TECRL: variants seen among roughly 807,000 people sequenced by gnomAD.
TECRL encodes the protein trans-2,3-enoyl-CoA reductase like.
TECRL carries 63 observed loss-of-function variants against 52.8 expected under a neutral mutation model. The ratio of observed to expected loss-of-function variants is 1.19; its 90% CI spans 0.97 to 1.47. The LOEUF (loss-of-function observed/expected upper bound fraction) is 1.47, where lower values mean the gene tolerates loss of function less well. Among genes scored for constraint, TECRL ranks in the 40% most tolerant of loss-of-function variants. The pLI is 0.00. For synonymous variants in TECRL, 164 were observed against 141.9 expected, an observed-to-expected ratio of 1.16 and a Z score of -1.10; for missense variants, 482 against 429.6, an observed-to-expected ratio of 1.12 and a Z score of -1.08.
At chr4:64,281,688 A>G (rs1722837335) in intron 9 of TECRL, 129 bp from the exon 10 acceptor site, 2 of 527,986 alleles carry the variant, frequency 3.8e-6, no homozygotes, top group Non-Finnish European at 6.8e-6. Flanking sequence ...ATTTATAGTA[A>G]CCTATTTTGC....
At chr4:64,324,731 G>C (rs1380886922) in intron 3 of TECRL, among the ~76,000 whole-genome samples, 1 of 151,900 alleles carries the variant, frequency 6.6e-6, no homozygotes, top group Non-Finnish European at 1.5e-5. Flanking sequence ...TTATATTTTA[G>C]AAATTTCATG....
intron 2 of TECRL, among the ~76,000 whole-genome samples, chr4:64,365,507 T>C: frequency 6.6e-6 from 1 of 152,100 alleles, no homozygotes; most frequent in East Asian, 1.9e-4. Flanking sequence ...CAAAGGCTCC[T>C]AGAATTAATA....
chr4:64,318,965 T>C (rs1717697531), intron 4 of TECRL, among the ~76,000 whole-genome samples: 1 of 151,944 alleles, frequency 6.6e-6, no homozygotes, highest in Non-Finnish European at 1.5e-5. Context: ...GAAAATTATA[T>C]TGTACCAAAA....
intron 2 of TECRL, among the ~76,000 whole-genome samples, chr4:64,361,526 T>C (rs2109616581): frequency 6.6e-6 from 1 of 152,158 alleles, no homozygotes; most frequent in South Asian, 2.1e-4. Context: ...CACTTAACCT[T>C]GAGAGGTCAA....
intron 4 of TECRL, among the ~76,000 whole-genome samples, chr4:64,319,529 A>C (rs1182000475): frequency 6.6e-6 from 1 of 151,880 alleles, no homozygotes; most frequent in Non-Finnish European, 1.5e-5. Context: ...TTAAAGAAGG[A>C]GAGAAAATAT....
intron 9 of TECRL, among the ~76,000 whole-genome samples, chr4:64,284,844 T>C (rs998388600): frequency 6.6e-6 from 1 of 152,120 alleles, no homozygotes; most frequent in Admixed American, 6.6e-5. Context: ...AGATCTACTA[T>C]TCCTTTCCCA....
chr4:64,333,063 T>A (rs909922196), intron 2 of TECRL, among the ~76,000 whole-genome samples: 4 of 151,880 alleles, frequency 2.6e-5, no homozygotes, highest in Non-Finnish European at 4.4e-5. Flanking sequence ...TGATATATAA[T>A]TAAAGACATA....
rs535035274 is a variant in TECRL at position 64,367,960 on chromosome 4, T to C, written c.286+7212A>G. 1.2e-4 allele frequency among the ~76,000 whole-genome samples: 18 copies of C among 152,150 alleles called. 1 individual carries two copies. In the South Asian group the frequency reaches 3.7e-3, roughly 32 times the overall value. The stretch of plus-strand genomic sequence containing the variant: ...TCCAGTGGGCACATTTGTTAGGATT[T>C]CCTCCATAACCAGGGCATCAACACT... On this transcript the variant is annotated intron_variant, in intron 2 of 11. Coordinates refer to ENST00000381210, the MANE Select transcript of TECRL (RefSeq NM_001010874.5).
intron 1 of TECRL, among the ~76,000 whole-genome samples, chr4:64,380,940 G>C (rs1722749018): frequency 6.6e-6 from 1 of 152,062 alleles, no homozygotes; most frequent in Non-Finnish European, 1.5e-5. Context: ...AACGTCATTG[G>C]TGTTTTGATA....
intron 4 of TECRL, among the ~76,000 whole-genome samples, chr4:64,321,060 A>G (rs1717866547): frequency 6.6e-6 from 1 of 152,058 alleles, no homozygotes; most frequent in East Asian, 1.9e-4. Flanking sequence ...ACGACCATAG[A>G]ACATTGGCAG....
At chr4:64,287,091 T>C (rs1031796298) in intron 9 of TECRL, among the ~76,000 whole-genome samples, 3 of 152,164 alleles carry the variant, frequency 2.0e-5, no homozygotes, top group Admixed American at 2.0e-4. Context: ...TAATGAAATA[T>C]AGGCTTCACT....
chr4:64,388,492 T>G (rs1409221414), intron 1 of TECRL, among the ~76,000 whole-genome samples: 3 of 151,880 alleles, frequency 2.0e-5, no homozygotes, highest in Admixed American at 6.6e-5. Context: ...GTCAATATTG[T>G]TTTAGCTAGG....
chr4:64,317,654 G>C (rs1191579593), intron 4 of TECRL, among the ~76,000 whole-genome samples: 4 of 152,144 alleles, frequency 2.6e-5, no homozygotes, highest in Non-Finnish European at 2.9e-5. Flanking sequence ...GCTAGATAAA[G>C]ATTGTGGTTT....
intron 1 of TECRL, among the ~76,000 whole-genome samples, chr4:64,389,500 A>T (rs960946066): frequency 6.6e-6 from 1 of 151,978 alleles, no homozygotes; most frequent in Non-Finnish European, 1.5e-5. Context: ...CTTTTTATAC[A>T]GTGTTAAATT....
chr4:64,392,519 T>C (rs986021860), intron 1 of TECRL, among the ~76,000 whole-genome samples: 1 of 151,854 alleles, frequency 6.6e-6, no homozygotes, highest in Admixed American at 6.6e-5. Flanking sequence ...TAAAAGACAT[T>C]ATCTGCTTTC....
In TECRL at chr4:64,375,254, T is replaced by A. The variant is rs538756867; in HGVS notation, c.235-31A>T. Reference sequence around the variant, plus strand: ...AAGGAAAAGAAAATAGAGTTATTTTTAAAAACTGTTAATTTGTTTTCTATC... The same window carrying A: ...AAGGAAAAGAAAATAGAGTTATTTTAAAAAACTGTTAATTTGTTTTCTATC... On this transcript the variant is annotated intron_variant, in intron 1 of 11. Transcript: ENST00000381210. 260 of 1,122,058 alleles carry A rather than the reference T, an allele frequency of 2.3e-4. No homozygotes were observed. In the South Asian group the frequency reaches 2.4e-3, roughly 10 times the overall value. The allele number at this position is 1,122,058 out of a possible 1,614,324, so 69.5% of individuals were successfully genotyped here.
chr4:64,322,599 C>T (rs2110030781), intron 4 of TECRL, 90 bp downstream of exon 4: 2 of 862,640 alleles, frequency 2.3e-6, no homozygotes, highest in Middle Eastern at 5.8e-4. Flanking sequence ...TTTTGTTTCG[C>T]TATGAGTTTA....
chr4:64,345,546 G>A (rs897979270), intron 2 of TECRL, among the ~76,000 whole-genome samples: 1 of 110,362 alleles, frequency 9.1e-6, no homozygotes, highest in Non-Finnish European at 1.7e-5. Context: ...ACCGGGGCCT[G>A]TTGTGGGGTG....
chr4:64,350,715 T>C (rs1011847256), intron 2 of TECRL, among the ~76,000 whole-genome samples: 3 of 151,610 alleles, frequency 2.0e-5, no homozygotes, highest in Admixed American at 6.6e-5. Context: ...CGGACTGCCT[T>C]TTAACTCGAA....
Sources: allele counts gnomAD v4.1 joint callset (sites outside exome capture counted in the v4.1 genomes callset), GRCh38; gene constraint gnomAD v4.1.1; transcripts MANE v1.5; gene names NCBI Gene and HGNC (gene_info 2026-07-23, HGNC 2026-07-21).